Variants in PLXNA3 observed in about 807,000 individuals in gnomAD.
PLXNA3 encodes the protein plexin-A3.
In PLXNA3, 52 loss-of-function variants were observed where a neutral mutation model predicts 118.8. That is an observed-to-expected ratio of 0.44 (90% CI 0.35 to 0.55). The LOEUF is 0.55. Among genes scored for constraint, PLXNA3 ranks in the 20% least tolerant of loss-of-function variants. The pLI, the probability that PLXNA3 is intolerant of heterozygous loss-of-function variation, is 0.01. For missense variants in PLXNA3, 1,660 were observed against 1,730.8 expected (o/e 0.96, Z 0.73); for synonymous variants, 925 against 762.4 (o/e 1.21, Z -3.51).
At chrX:154,467,731 C>T (rs782437958) in intron 20 of PLXNA3, 36 bp from the exon 21 acceptor site, 37 of 1,198,994 alleles carry the variant, frequency 3.1e-5, no homozygotes, top group Admixed American at 1.1e-4. Flanking sequence ...CCAGGGTGGG[C>T]GTGGTGGTCA....
chrX:154,475,233 C>T lies in PLXNA3; in HGVS notation c.*2548C>T, dbSNP rs2069229242. The stretch of plus-strand genomic sequence containing the variant: ...TCTCCTGCCTCAGCCTCCTGAGTAG[C>T]TGAGATTACAGGCATGTGCCACCAC... On this transcript the variant is annotated 3_prime_UTR_variant, in exon 33 of 33. Transcript: ENST00000369682. The T allele has an allele frequency of 9.2e-6, 1 of 108,457 alleles. No individual in the cohort carries two copies. The highest frequency in any genetic ancestry group is 4.0e-4 in the South Asian group (1 of 2,512). The allele number at this position is 108,457 out of a possible 1,213,427, so 8.9% of individuals were successfully genotyped here.
chrX:154,460,233 C>G lies in PLXNA3; in HGVS notation c.50C>G (p.Ala17Gly), dbSNP rs1391731317. The G allele has an allele frequency of 1.2e-5, 15 of 1,206,891 alleles. No homozygotes were observed. The highest frequency in any genetic ancestry group is 1.5e-5 in the Non-Finnish European group (13 of 893,157). ...CTGCTCTTCCTTGCCGTGGGGGGGG[C>G]CCTGGGCAACAGGCCCTTCCGTGCC... ...LLLLFLAVGGALGNRPFRAFV... is the reference protein window; with the variant it reads ...LLLLFLAVGGGLGNRPFRAFV... Residue 17 changes from alanine (A) to glycine (G), a missense_variant, in exon 2 of 33, where the codon GCC becomes GGC. By Grantham distance (60) the Ala-to-Gly change is moderately conservative. Around this residue, in one of 2 missense-constraint regions of PLXNA3, gnomAD observed 791 missense variants for 652.1 expected, o/e 1.21. Transcript: ENST00000369682.
intron 1 of PLXNA3, among the ~76,000 whole-genome samples, chrX:154,459,355 G>C (rs1603388816): frequency 8.9e-6 from 1 of 111,808 alleles, no homozygotes; most frequent in East Asian, 2.8e-4. Context: ...TGTGGCTCCT[G>C]CCCTGTCTCT....
rs782784885 is a variant in PLXNA3, at chrX:154,465,180, C to T, written c.2206C>T (p.Arg736Cys). 2 of 1,209,818 alleles carry T rather than the reference C, an allele frequency of 1.7e-6. No individual in the cohort carries two copies. Among genetic ancestry groups the T allele is most frequent in the South Asian group, 1.8e-5 (1 of 56,885 alleles). ...QGRQQRVPAV[R>C]FNSSSVQCQN... ...GCGGCAGCAGCGGGTGCCTGCCGTG[C>T]GCTTCAACAGCAGCAGTGTGCAGTG... is the stretch of plus-strand genomic sequence containing the variant. Residue 736 changes from arginine to cysteine, a missense_variant, in exon 11 of 33, where the codon CGC (arginine) becomes TGC (cysteine). Physicochemically the swap from Arg to Cys is radical, Grantham distance 180. Around this residue, in one of 2 missense-constraint regions of PLXNA3, gnomAD observed 869 missense variants for 1,078.7 expected, o/e 0.81. Transcript: ENST00000369682.
In PLXNA3 at chrX:154,460,221, C is replaced by A. The variant is rs782125563; in HGVS notation, c.38C>A (p.Ala13Asp). Residue 13 changes from alanine (A) to aspartate (D), a missense_variant, in exon 2 of 33, where the codon GCC (alanine) becomes GAC (aspartate). By Grantham distance (126) the Ala-to-Asp change is moderately radical (BLOSUM62 -2). Transcript: ENST00000369682. ...SVCLLLLLFL[A>D]VGGALGNRPF... The stretch of plus-strand genomic sequence containing the variant: ...TGCCTCCTCCTGCTGCTCTTCCTTG[C>A]CGTGGGGGGGGCCCTGGGCAACAGG... 8.3e-7 allele frequency: 1 copy of A among 1,209,094 alleles called. No individual in the cohort carries two copies. Among genetic ancestry groups the A allele is most frequent in the Non-Finnish European group, 1.1e-6 (1 of 894,068 alleles).
At position 154,468,491 on chromosome X, in the gene PLXNA3, G is replaced by A. The variant is rs1332488462; in HGVS notation, c.4152G>A (p.Lys1384=). The change falls in exon 23 of 33, where the codon AAG becomes AAA. Residue 1384 remains lysine (K), a synonymous_variant. Coordinates refer to ENST00000369682, the MANE Select transcript of PLXNA3 (RefSeq NM_017514.5). ...SRLDYATGLL[K]QLLADLIEKN... ...TCGACTATGCCACGGGGCTGCTCAA[G>A]CAACTGCTGGCCGACCTCATCGAGA... is the stretch of plus-strand genomic sequence containing the variant. 3.3e-6 allele frequency: 4 copies of A among 1,210,018 alleles called. No homozygotes were observed. Among genetic ancestry groups the A allele is most frequent in the Non-Finnish European group, 3.4e-6 (3 of 895,319 alleles).
Position 154,465,003 on chromosome X carries a change from G to A in PLXNA3, c.2044-15G>A. ...GGGTGGCCCTGTGTGCAGCTGACAG[G>A]TGCTTTCCCCGCAGGGCTGCCCTGA... On this transcript the variant is annotated splice_polypyrimidine_tract_variant and intron_variant, in intron 10 of 32. Coordinates refer to ENST00000369682, the MANE Select transcript of PLXNA3 (RefSeq NM_017514.5). The A allele has an allele frequency of 1.7e-6, 2 of 1,178,743 alleles. No individual in the cohort carries two copies. Among genetic ancestry groups the A allele is most frequent in the Admixed American group, 2.4e-5 (1 of 42,235 alleles).
chrX:154,467,003 G>T, intron 17 of PLXNA3, 54 bp from the exon 18 acceptor site: 3 of 1,078,201 alleles, frequency 2.8e-6, no homozygotes, highest in Non-Finnish European at 3.9e-6. Flanking sequence ...TCGCTCTCCA[G>T]GGCTGGGTGG....
At chrX:154,465,546 C>A (rs1557206682) in intron 12 of PLXNA3, 26 bp downstream of exon 12, 1 of 1,169,263 alleles carries the variant, frequency 8.6e-7, no homozygotes, top group South Asian at 1.8e-5. Flanking sequence ...AGGGAGCTTC[C>A]CTCCTAAGGC....
At chrX:154,462,417 C>G in intron 4 of PLXNA3, 107 bp downstream of exon 4, 1 of 620,479 alleles carries the variant, frequency 1.6e-6, no homozygotes, top group South Asian at 5.9e-5. Context: ...GGAGAGGACA[C>G]GGCTGGTGCA....
At position 154,472,624 on chromosome X, in the gene PLXNA3, G is replaced by C; in HGVS notation, c.5555G>C (p.Arg1852Pro). The C allele has an allele frequency of 2.5e-6, 3 of 1,208,960 alleles. No homozygotes were observed. Among genetic ancestry groups the C allele is most frequent in the Non-Finnish European group, 3.4e-6 (3 of 893,070 alleles). Residue 1852 changes from arginine (R) to proline (P), a missense_variant, in exon 33 of 33, where the codon CGG becomes CCG. Around this residue, in one of 2 missense-constraint regions of PLXNA3, gnomAD observed 869 missense variants for 1,078.7 expected, o/e 0.81. Transcript: ENST00000369682. ...GCTCTGGACCGAGATGCCTCTTGTCGGAAGCATAAGTTGCGGCAGAAACTG... is the reference window on the plus strand; with the variant it reads ...GCTCTGGACCGAGATGCCTCTTGTCCGAAGCATAAGTTGCGGCAGAAACTG... ...LTALDRDASC[R>P]KHKLRQKLEQ... is the part of the protein sequence containing the mutation.
chrX:154,459,151 T>A (rs2068891547), intron 1 of PLXNA3, among the ~76,000 whole-genome samples: 1 of 98,391 alleles, frequency 1.0e-5, no homozygotes, highest in Non-Finnish European at 1.9e-5. Flanking sequence ...TTTGGTTCCC[T>A]GCACCACCCC....
intron 3 of PLXNA3, among the ~76,000 whole-genome samples, chrX:154,461,910 GTCTT>G (rs2068972426): frequency 8.9e-6 from 1 of 112,173 alleles, no homozygotes; most frequent in African/African-American, 3.2e-5. Context: ...GCCAACAAGA[GTCTT>G]GTGGGCCCAG....
rs929279500 is a variant in PLXNA3 at position 154,461,231 on chromosome X, C to G, written c.727C>G (p.Leu243Val). 4 of 1,212,672 alleles carry G rather than the reference C, an allele frequency of 3.3e-6. No homozygotes were observed. The highest frequency in any genetic ancestry group is 2.2e-6 in the Non-Finnish European group (2 of 895,596). The change falls in exon 3 of 33, where the codon CTG becomes GTG. Residue 243 changes from leucine (L) to valine (V), a missense_variant. Around this residue, in one of 2 missense-constraint regions of PLXNA3, gnomAD observed 791 missense variants for 652.1 expected, o/e 1.21. Transcript: ENST00000369682. ...ASFVYFLTLQLDTQQTLLDTA... is the reference protein window; with the variant it reads ...ASFVYFLTLQVDTQQTLLDTA... ...CTTCGTGTACTTCCTGACGCTGCAG[C>G]TGGACACCCAGCAGACGCTGTTGGA...
chrX:154,475,694 G>A lies in PLXNA3; in HGVS notation c.*3009G>A, dbSNP rs2069232352. The A allele has an allele frequency of 1.8e-5, 2 of 112,511 alleles. No individual in the cohort carries two copies. Among genetic ancestry groups the A allele is most frequent in the Admixed American group, 1.9e-4 (2 of 10,632 alleles). The allele number at this position is 112,511 out of a possible 1,213,427, so 9.3% of individuals were successfully genotyped here. A position where few individuals can be genotyped will look rare whatever the true frequency, so the allele number is the denominator to read the frequency against. The stretch of plus-strand genomic sequence containing the variant: ...GTTGCGGGATGACAGCTGTGCCGTC[G>A]GCCCAGACAGAACCATCTGGACAGA... On this transcript the variant is annotated 3_prime_UTR_variant, in exon 33 of 33. Coordinates refer to ENST00000369682, the MANE Select transcript of PLXNA3 (RefSeq NM_017514.5).
intron 19 of PLXNA3, 32 bp downstream of exon 19, chrX:154,467,503 G>GC: frequency 3.3e-6 from 3 of 919,213 alleles, no homozygotes; most frequent in Non-Finnish European, 4.6e-6. Context: ...GGAGGGGCGG[G>GC]AAAGTGGAGA....
rs782549731 is a variant in PLXNA3, at chrX:154,472,734, C to G, written c.*49C>G. On this transcript the variant is annotated 3_prime_UTR_variant, in exon 33 of 33. Coordinates refer to ENST00000369682, the MANE Select transcript of PLXNA3 (RefSeq NM_017514.5). ...GGCTTCTCAGTCCTGTGCCGTCCTC[C>G]CATCCAGGGGAGTGGCTGGCTCAAG... 1 of 959,597 alleles carries G rather than the reference C, an allele frequency of 1.0e-6. No individual in the cohort carries two copies. Among genetic ancestry groups the G allele is most frequent in the Admixed American group, 2.2e-5 (1 of 45,483 alleles). 79.1% of individuals were successfully genotyped at this position (959,597 alleles called of 1,213,427 possible). A position where few individuals can be genotyped will look rare whatever the true frequency, so the allele number is the denominator to read the frequency against.
chrX:154,461,671 G>A, intron 3 of PLXNA3, 33 bp downstream of exon 3: 1 of 1,137,831 alleles, frequency 8.8e-7, no homozygotes, highest in African/African-American at 1.8e-5. Context: ...CTGGTCCTCT[G>A]CCCTGTCCCA....
At position 154,469,970 on chromosome X, in the gene PLXNA3, G is replaced by A. The variant is rs1557208805; in HGVS notation, c.4796-7G>A. ...GGCCTAAGGGTCACATGCATTCTCT[G>A]CTCCAGAGAGCTTGCTCCGCACGGC... On this transcript the variant is annotated splice_region_variant and splice_polypyrimidine_tract_variant and intron_variant, in intron 28 of 32. Coordinates refer to ENST00000369682, the MANE Select transcript of PLXNA3 (RefSeq NM_017514.5). 1.7e-6 allele frequency: 2 copies of A among 1,209,505 alleles called. No individual in the cohort carries two copies. Among genetic ancestry groups the A allele is most frequent in the Non-Finnish European group, 2.2e-6 (2 of 893,974 alleles).
Sources: allele counts gnomAD v4.1 joint callset (sites outside exome capture counted in the v4.1 genomes callset), GRCh38; gene constraint gnomAD v4.1.1; regional missense constraint gnomAD v4.1.1; transcripts MANE v1.5; gene names NCBI Gene and HGNC (gene_info 2026-07-23, HGNC 2026-07-21).